Variants in MAP3K13 observed in about 807,000 individuals in gnomAD.
MAP3K13 encodes the protein mitogen-activated protein kinase kinase kinase 13.
MAP3K13 carries 52 observed loss-of-function variants against 104.0 expected under a neutral mutation model. The observed-to-expected ratio is 0.50, with a 90% CI of 0.40 to 0.63. The LOEUF is 0.63. Ranked by LOEUF, MAP3K13 falls within the 20% of genes least tolerant of loss-of-function variation. The pLI, the probability that MAP3K13 is intolerant of heterozygous loss-of-function variation, is 0.00. For synonymous variants in MAP3K13, 394 were observed against 442.2 expected (o/e 0.89, Z 1.37); for missense variants, 914 against 1,218.5 (o/e 0.75, Z 3.72).
intron 3 of MAP3K13, among the ~76,000 whole-genome samples, chr3:185,440,988 CAAG>C (rs1415161859): frequency 1.3e-5 from 2 of 152,154 alleles, no homozygotes; most frequent in Non-Finnish European, 2.9e-5. Flanking sequence ...GGTGTTAACA[CAAG>C]AATTCCCAAT....
chr3:185,397,518 G>A (rs1368894073), intron 1 of MAP3K13, among the ~76,000 whole-genome samples: 1 of 152,134 alleles, frequency 6.6e-6, no homozygotes, highest in African/African-American at 2.4e-5. Flanking sequence ...TTAGTATGTA[G>A]CATATTTTAG....
chr3:185,433,319 T>C (rs541987424), intron 2 of MAP3K13, among the ~76,000 whole-genome samples: 1 of 152,124 alleles, frequency 6.6e-6, no homozygotes, highest in Non-Finnish European at 1.5e-5. Context: ...GAAGATAAAA[T>C]TGAAGATAAA....
chr3:185,405,203 A>G (rs555964304), intron 1 of MAP3K13, among the ~76,000 whole-genome samples: 52 of 152,344 alleles, frequency 3.4e-4, no homozygotes, highest in African/African-American at 1.1e-3. Flanking sequence ...CCTCAATTTT[A>G]TGCCATCAAA....
chr3:185,314,217 G>A (rs944421192), intron 2 of MAP3K13, among the ~76,000 whole-genome samples: 15 of 152,132 alleles, frequency 9.9e-5, no homozygotes, highest in African/African-American at 2.9e-4. Flanking sequence ...GCAAGTGAGT[G>A]CTCCCTTGTA....
At chr3:185,309,730 C>T (rs1721431972) in intron 2 of MAP3K13, among the ~76,000 whole-genome samples, 1 of 152,158 alleles carries the variant, frequency 6.6e-6, no homozygotes, top group Admixed American at 6.5e-5. Flanking sequence ...GAAGCAAAAG[C>T]TGCCTGCCCT....
At chr3:185,388,844 C>A (rs1711864261) in intron 1 of MAP3K13, among the ~76,000 whole-genome samples, 1 of 152,098 alleles carries the variant, frequency 6.6e-6, no homozygotes, top group African/African-American at 2.4e-5. Context: ...GACACACAGA[C>A]CAATGGATAG....
chr3:185,430,603 T>G (rs76827458), intron 2 of MAP3K13, among the ~76,000 whole-genome samples: 1 of 152,192 alleles, frequency 6.6e-6, no homozygotes, highest in Non-Finnish European at 1.5e-5. Flanking sequence ...CCTCTGACTC[T>G]GTCCATGTCC....
intron 1 of MAP3K13, among the ~76,000 whole-genome samples, chr3:185,380,812 T>G (rs1011418758): frequency 2.0e-5 from 3 of 152,192 alleles, no homozygotes; most frequent in Non-Finnish European, 4.4e-5. Context: ...GACCACATTT[T>G]GTGAGTAGCA....
intron 1 of MAP3K13, among the ~76,000 whole-genome samples, chr3:185,404,126 C>T (rs1022410438): frequency 6.6e-6 from 1 of 152,234 alleles, no homozygotes; most frequent in East Asian, 1.9e-4. Context: ...AGCAGCCATA[C>T]TTACACTCTG....
chr3:185,381,192 A>C (rs183550390), intron 1 of MAP3K13, among the ~76,000 whole-genome samples: 5 of 152,048 alleles, frequency 3.3e-5, no homozygotes, highest in Admixed American at 3.3e-4. Flanking sequence ...CGAACTCCTG[A>C]CTCAAGTGAT....
chr3:185,307,542 C>CCCA (rs1721329660), intron 2 of MAP3K13, among the ~76,000 whole-genome samples: 2 of 34,288 alleles, frequency 5.8e-5, no homozygotes, highest in African/African-American at 2.1e-4. Context: ...TGGTGCACCA[C>CCCA]CCCCTCCCCC....
intron 2 of MAP3K13, among the ~76,000 whole-genome samples, chr3:185,318,326 C>G (rs746585289): frequency 1.3e-5 from 2 of 152,230 alleles, no homozygotes; most frequent in Non-Finnish European, 2.9e-5. Flanking sequence ...CTTGCTCTTG[C>G]AGCTTTATAA....
chr3:185,392,011 T>C (rs1712083158), intron 1 of MAP3K13, among the ~76,000 whole-genome samples: 1 of 152,176 alleles, frequency 6.6e-6, no homozygotes, highest in Non-Finnish European at 1.5e-5. Context: ...CCTGGGACCA[T>C]ATAGAGAATT....
intron 1 of MAP3K13, among the ~76,000 whole-genome samples, chr3:185,410,435 A>G (rs1345058639): frequency 6.6e-6 from 1 of 152,168 alleles, no homozygotes; most frequent in Non-Finnish European, 1.5e-5. Context: ...GTCCCACAGC[A>G]CTGTAGGATG....
intron 1 of MAP3K13, among the ~76,000 whole-genome samples, chr3:185,421,257 C>T (rs1208248312): frequency 6.6e-6 from 1 of 151,928 alleles, no homozygotes; most frequent in African/African-American, 2.4e-5. Flanking sequence ...GCAGTGGCAG[C>T]ATCTCGGTTC....
intron 2 of MAP3K13, among the ~76,000 whole-genome samples, chr3:185,307,538 A>ACAACCCCCCCCCC (rs1721326730): frequency 2.5e-5 from 1 of 40,232 alleles, no homozygotes; most frequent in Non-Finnish European, 5.3e-5. Flanking sequence ...CATTTGGTGC[A>ACAACCCCCCCCCC]CCACCCCCTC....
Position 185,455,265 on chromosome 3 carries a change from A to ATATATATGAGATATATATAT in MAP3K13, c.1278+3870_1278+3871insTATATATGAGATATATATAT, listed in dbSNP as rs1412224974. Among the ~76,000 whole-genome samples, 35 of 29,792 alleles carry ATATATATGAGATATATATAT rather than the reference A, an allele frequency of 1.2e-3. 14 individuals are homozygous for ATATATATGAGATATATATAT. The highest frequency in any genetic ancestry group is 2.4e-3 in the South Asian group (2 of 850). 19.5% of individuals were successfully genotyped at this position (29,792 alleles called of 152,430 possible). ...ATATATGATATATATGAGATATATGAGATATATATGAGATATATGAGATAT... is the reference window on the plus strand; with the variant it reads ...ATATATGATATATATGAGATATATGATATATATGAGATATATATATGATATATATGAGATATATGAGATAT... On this transcript the variant is annotated intron_variant, in intron 7 of 13. Transcript: ENST00000265026.
intron 1 of MAP3K13, among the ~76,000 whole-genome samples, chr3:185,422,037 C>A (rs915651681): frequency 6.6e-6 from 1 of 152,210 alleles, no homozygotes; most frequent in Admixed American, 6.5e-5. Context: ...TCTTTATACA[C>A]CCTTGAGGTT....
rs529288889 is a variant in MAP3K13, at chr3:185,321,098, G to A, written c.-86+35455G>A. ...TATGCGTGCACACATATACACATGC[G>A]TGCACACACATATGCGTGCACACAC... On this transcript the variant is annotated intron_variant, in intron 2 of 14. Coordinates refer to the MAP3K13 transcript ENST00000424227. 1.9e-4 allele frequency among the ~76,000 whole-genome samples: 28 copies of A among 150,690 alleles called. No homozygotes were observed. In the East Asian group the frequency reaches 3.5e-3, roughly 19 times the overall value.
Sources: gnomAD v4.1 joint callset for allele counts (sites outside exome capture counted in the v4.1 genomes callset) on GRCh38, gnomAD v4.1.1 for gene constraint, MANE v1.5 for transcripts, NCBI Gene and HGNC (gene_info 2026-07-23, HGNC 2026-07-21) for gene names.